The following FGD3 variants were observed in gnomAD, a reference collection of about 807,000 sequenced individuals.
FGD3 encodes the protein FYVE, RhoGEF and PH domain-containing protein 3.
FGD3 carries 45 observed loss-of-function variants against 71.8 expected under a neutral mutation model. That is an observed-to-expected ratio of 0.63 (90% CI 0.49 to 0.80). FGD3 has a LOEUF of 0.80. FGD3 is among the 30% of genes least tolerant of loss of function. The pLI, the probability that FGD3 is intolerant of heterozygous loss-of-function variation, is 0.00. For missense variants in FGD3, 844 were observed against 951.5 expected, an observed-to-expected ratio of 0.89 and a Z score of 1.49; for synonymous variants, 378 against 392.8, an observed-to-expected ratio of 0.96 and a Z score of 0.44.
chr9:92,960,405 T>C (rs1859148461), intron 1 of FGD3, among the ~76,000 whole-genome samples: 1 of 151,910 alleles, frequency 6.6e-6, no homozygotes, highest in Non-Finnish European at 1.5e-5. Flanking sequence ...CAGAGCAGAG[T>C]TTGCCTTATG....
chr9:92,973,987 A>T (rs1398114964), intron 1 of FGD3, among the ~76,000 whole-genome samples: 1 of 152,222 alleles, frequency 6.6e-6, no homozygotes, highest in East Asian at 1.9e-4. Flanking sequence ...GTCTCTGGGC[A>T]GTGAGCTGGG....
chr9:93,002,711 G>A (rs530189921), intron 3 of FGD3, among the ~76,000 whole-genome samples: 11 of 152,278 alleles, frequency 7.2e-5, no homozygotes, highest in African/African-American at 2.6e-4. Context: ...ATATTTTGAC[G>A]TGGTCGCTGC....
At position 92,969,674 on chromosome 9, in the gene FGD3, G is replaced by A. The variant is rs997512801; in HGVS notation, c.-217-5564G>A. 3.9e-5 allele frequency among the ~76,000 whole-genome samples: 6 copies of A among 152,116 alleles called. No individual in the cohort carries two copies. The highest frequency in any genetic ancestry group is 1.4e-4 in the African/African-American group (6 of 41,426). On this transcript the variant is annotated intron_variant, in intron 1 of 17. Coordinates refer to ENST00000375482, the MANE Select transcript of FGD3 (RefSeq NM_001083536.2). The surrounding 1 kb of genome is among the most constrained non-coding windows in gnomAD (Gnocchi z 4.5). ...GGTGGGTTTCTTTCAGATGGGGGGG[G>A]ACTCCCGCACGGCCTCCCGGGAAGG...
chr9:93,010,481 G>C, intron 7 of FGD3, 97 bp downstream of exon 7: 1 of 1,325,432 alleles, frequency 7.5e-7, no homozygotes, highest in East Asian at 2.6e-5. Flanking sequence ...TGGGGTCATG[G>C]GGGTAGGGGA....
rs368574727 is a variant in FGD3 at position 93,031,065 on chromosome 9, GTGGA to G, written c.1680+1085_1680+1088del. Among the ~76,000 whole-genome samples the G allele has an allele frequency of 5.9e-4, 89 of 151,782 alleles. 1 individual carries two copies. The South Asian group carries it at 0.01, about 18-fold the overall frequency. On this transcript the variant is annotated intron_variant, in intron 15 of 17. Coordinates refer to ENST00000375482, the MANE Select transcript of FGD3 (RefSeq NM_001083536.2). ...GAATGAATGAGTGGATAATGAATGG[GTGGA>G]TGGATGGATGGATGGGTGGATGAAG...
intron 1 of FGD3, among the ~76,000 whole-genome samples, chr9:92,967,178 GTCT>G (rs1183196283): frequency 6.6e-6 from 1 of 152,070 alleles, no homozygotes; most frequent in Non-Finnish European, 1.5e-5. Flanking sequence ...GGTCAGGCTG[GTCT>G]TGAACTCCTG....
chr9:92,948,341 C>G (rs929753615), intron 1 of FGD3, among the ~76,000 whole-genome samples: 18 of 152,218 alleles, frequency 1.2e-4, no homozygotes, highest in Non-Finnish European at 2.4e-4. Flanking sequence ...AGCTGCTAGG[C>G]AGAAGTTTGA....
intron 8 of FGD3, among the ~76,000 whole-genome samples, chr9:93,011,901 G>C (rs1463611127): frequency 7.4e-6 from 1 of 134,410 alleles, no homozygotes; most frequent in Non-Finnish European, 1.6e-5. Flanking sequence ...GCTCACGCCT[G>C]TAATCCCAGC....
At chr9:93,032,543 T>C in intron 15 of FGD3, 1 of 555,332 alleles carries the variant, frequency 1.8e-6, no homozygotes, top group East Asian at 3.1e-5. Flanking sequence ...CTCTGGACCC[T>C]CCAGGACAGA....
intron 14 of FGD3, among the ~76,000 whole-genome samples, chr9:93,022,947 C>A (rs1001643572): frequency 6.6e-6 from 1 of 152,124 alleles, no homozygotes; most frequent in African/African-American, 2.4e-5. Context: ...TGTGTCCACG[C>A]GCCCGCCTGC....
chr9:93,034,309 T>C, intron 16 of FGD3: 1 of 481,348 alleles, frequency 2.1e-6, no homozygotes, highest in Admixed American at 4.0e-5. Flanking sequence ...GCCCTCCCCT[T>C]GGAGGGCCCA....
intron 17 of FGD3, 32 bp from the exon 18 acceptor site, chr9:93,035,306 G>C (rs759152423): frequency 6.3e-7 from 1 of 1,594,768 alleles, no homozygotes; most frequent in East Asian, 2.2e-5. Context: ...GGGAAGCTGT[G>C]GCCCCGCTGA....
At chr9:92,996,393 T>G (rs1860644909) in intron 3 of FGD3, among the ~76,000 whole-genome samples, 1 of 152,228 alleles carries the variant, frequency 6.6e-6, no homozygotes. Flanking sequence ...TTGCTAATGG[T>G]CTATCCATTT....
intron 1 of FGD3, among the ~76,000 whole-genome samples, chr9:92,957,881 A>C (rs1049722207): frequency 6.6e-6 from 1 of 151,470 alleles, no homozygotes; most frequent in Non-Finnish European, 1.5e-5. Context: ...AAGTTTCACT[A>C]TGTAGGCCAG....
intron 1 of FGD3, among the ~76,000 whole-genome samples, chr9:92,971,727 C>T (rs1859542198): frequency 6.6e-6 from 1 of 151,576 alleles, no homozygotes; most frequent in South Asian, 2.1e-4. Flanking sequence ...AGGAGCCCAC[C>T]ACCACACCTG....
At chr9:92,951,048 G>A (rs1858945518) in intron 1 of FGD3, among the ~76,000 whole-genome samples, 1 of 152,160 alleles carries the variant, frequency 6.6e-6, no homozygotes, top group African/African-American at 2.4e-5. Flanking sequence ...CCTGCAGGCT[G>A]AGGGTTGTGG....
chr9:92,993,131 T>C (rs1860485331), intron 3 of FGD3, among the ~76,000 whole-genome samples: 1 of 152,138 alleles, frequency 6.6e-6, no homozygotes, highest in Non-Finnish European at 1.5e-5. Flanking sequence ...ATCTTACTGA[T>C]ATCACTCTCC....
At chr9:92,985,644 A>G (rs1481181433) in intron 3 of FGD3, among the ~76,000 whole-genome samples, 1 of 151,564 alleles carries the variant, frequency 6.6e-6, no homozygotes, top group Admixed American at 6.6e-5. Flanking sequence ...ATTCCTGGCT[A>G]ATTTTTTGTA....
At chr9:92,998,751 T>C (rs1274751867) in intron 3 of FGD3, among the ~76,000 whole-genome samples, 2 of 152,196 alleles carry the variant, frequency 1.3e-5, no homozygotes, top group East Asian at 3.8e-4. Context: ...CACTCCCTGT[T>C]TGCCTGGGTA....
Sources: gnomAD v4.1 joint callset for allele counts (sites outside exome capture counted in the v4.1 genomes callset) on GRCh38, gnomAD v4.1.1 for gene constraint, Gnocchi (gnomAD v3.1) non-coding constraint, MANE v1.5 for transcripts, NCBI Gene and HGNC (gene_info 2026-07-23, HGNC 2026-07-21) for gene names.